Variants in DAG1 observed in about 807,000 individuals in gnomAD.
The protein encoded by DAG1 is dystroglycan 1.
In DAG1, 8 loss-of-function variants were observed where a neutral mutation model predicts 46.1. The observed-to-expected ratio is 0.17, with a 90% CI of 0.10 to 0.31. The LOEUF (loss-of-function observed/expected upper bound fraction) is 0.31. DAG1 is among the 10% of genes least tolerant of loss of function. The pLI is 1.00. For synonymous variants in DAG1, 495 were observed against 481.8 expected, an observed-to-expected ratio of 1.03 and a Z score of -0.36; for missense variants, 1,003 against 1,189.9, an observed-to-expected ratio of 0.84 and a Z score of 2.31.
At position 49,532,103 on chromosome 3, in the gene DAG1, C is replaced by T. The variant is rs1209612995; in HGVS notation, c.1592C>T (p.Thr531Ile). The T allele has an allele frequency of 6.2e-7, 1 of 1,614,220 alleles. No homozygotes were observed. Among genetic ancestry groups the T allele is most frequent in the East Asian group, 2.2e-5 (1 of 44,886 alleles). ...TTCTATGACCATGAGGACACCACCACTGACAAGCTGAAGCTGACCCTGAAA... is the reference window on the plus strand; with the variant it reads ...TTCTATGACCATGAGGACACCACCATTGACAAGCTGAAGCTGACCCTGAAA... ...DTFYDHEDTT[T>I]DKLKLTLKLR... Residue 531 changes from threonine to isoleucine, a missense_variant, in exon 3 of 3, where the codon ACT (threonine) becomes ATT (isoleucine). By Grantham distance (89) the Thr-to-Ile change is moderately conservative. Coordinates refer to ENST00000308775, the MANE Select transcript of DAG1 (RefSeq NM_004393.6). The surrounding 1 kb of genome is among the most constrained non-coding windows in gnomAD (Gnocchi z 5.4).
At position 49,510,682 on chromosome 3, in the gene DAG1, A is replaced by G. The variant is rs758104540; in HGVS notation, c.148A>G (p.Met50Val). 1.2e-5 allele frequency: 20 copies of G among 1,613,990 alleles called. No individual in the cohort carries two copies. Among genetic ancestry groups the G allele is most frequent in the Non-Finnish European group, 1.5e-5 (18 of 1,180,026 alleles). The change falls in exon 2 of 3, where the codon ATG (methionine) becomes GTG (valine). Residue 50 changes from methionine (M) to valine (V), a missense_variant. Transcript: ENST00000308775. ...RDWENQLEAS[M>V]HSVLSDLHEA... ...CTGGGAAAACCAGCTTGAGGCATCC[A>G]TGCACTCAGTGCTCTCAGACCTCCA...
At chr3:49,475,377 T>C (rs1172388257) in intron 1 of DAG1, among the ~76,000 whole-genome samples, 1 of 151,650 alleles carries the variant, frequency 6.6e-6, no homozygotes, top group African/African-American at 2.4e-5. Context: ...GTGCTGGGAT[T>C]ACAGGCGTGA....
Position 49,510,600 on chromosome 3 carries a change from C to T in DAG1, c.66C>T (p.Leu22=). ...CGGGGAGGACCTTTCTCCTCCTGCT[C>T]TCTGTGGTTATGGCTCAGTCCCACT... ...PLSGRTFLLL[L]SVVMAQSHWP... is the part of the protein sequence containing the mutation. Residue 22 remains leucine, a synonymous_variant, in exon 2 of 3, where the codon CTC becomes CTT. Transcript: ENST00000308775. The T allele has an allele frequency of 6.2e-7, 1 of 1,614,106 alleles. No homozygotes were observed. The highest frequency in any genetic ancestry group is 8.5e-7 in the Non-Finnish European group (1 of 1,180,038).
upstream of DAG1, chr3:49,470,115 T>G (rs866688668): frequency 1.3e-5 from 2 of 150,652 alleles, no homozygotes; most frequent in Non-Finnish European, 1.5e-5. Flanking sequence ...TGCGGCGCGC[T>G]GCGGAGCGGC....
In DAG1 at chr3:49,531,326, C is replaced by T. The variant is rs371509534; in HGVS notation, c.815C>T (p.Pro272Leu). Residue 272 changes from proline to leucine, a missense_variant, in exon 3 of 3, where the codon CCT (proline) becomes CTT (leucine). Coordinates refer to ENST00000308775, the MANE Select transcript of DAG1 (RefSeq NM_004393.6). The surrounding 1 kb of genome is among the most constrained non-coding windows in gnomAD (Gnocchi z 7.0). Reference sequence around the variant, plus strand: ...TGCTCCCTGAACCAGAACAGTGTGCCTGACATTCATGGTGTAGAGGCCCCT... The same window carrying T: ...TGCTCCCTGAACCAGAACAGTGTGCTTGACATTCATGGTGTAGAGGCCCCT... Reference protein sequence around the residue: ...LGCSLNQNSVPDIHGVEAPAR... With the variant: ...LGCSLNQNSVLDIHGVEAPAR... 1.3e-5 allele frequency: 21 copies of T among 1,614,076 alleles called. No homozygotes were observed. The African/African-American group carries it at 2.8e-4, about 22-fold the overall frequency.
chr3:49,532,046 CCTA>C lies in DAG1; in HGVS notation c.1538_1540del (p.Tyr513del). On this transcript the variant is annotated inframe_deletion, in exon 3 of 3. Transcript: ENST00000308775. This position sits in a 1 kb window ranked among gnomAD's most constrained non-coding sequence, Gnocchi z 5.4. The stretch of plus-strand genomic sequence containing the variant: ...GACAGGGTAGATGCCTGGGTTGGCA[CCTA>C]CTTTGAGGTGAAGATCCCGTCAGAC... 6.2e-7 allele frequency: 1 copy of C among 1,614,198 alleles called. No individual in the cohort carries two copies. The highest frequency in any genetic ancestry group is 8.5e-7 in the Non-Finnish European group (1 of 1,180,032).
intron 1 of DAG1, among the ~76,000 whole-genome samples, chr3:49,508,405 T>A (rs143396358): frequency 2.6e-4 from 39 of 151,990 alleles, no homozygotes; most frequent in African/African-American, 8.4e-4. Context: ...TATGTATGTA[T>A]GTGTTGTTTT....
At chr3:49,498,303 C>G (rs1384408984) in intron 1 of DAG1, among the ~76,000 whole-genome samples, 3 of 152,134 alleles carry the variant, frequency 2.0e-5, no homozygotes, top group Non-Finnish European at 4.4e-5. Flanking sequence ...TAGGGTGATA[C>G]CTTGAATCTT....
At chr3:49,511,983 T>TTGAATGG (rs1575388545) in intron 2 of DAG1, among the ~76,000 whole-genome samples, 1 of 152,254 alleles carries the variant, frequency 6.6e-6, no homozygotes, top group East Asian at 1.9e-4. Flanking sequence ...AGTCCCATTC[T>TTGAATGG]GACTTGAAAC....
chr3:49,500,797 C>G (rs578202730), intron 1 of DAG1, among the ~76,000 whole-genome samples: 1 of 152,288 alleles, frequency 6.6e-6, no homozygotes, highest in South Asian at 2.1e-4. Flanking sequence ...GGCCACCAAG[C>G]TGTATGTGAC....
At chr3:49,508,218 T>C (rs1176900181) in intron 1 of DAG1, among the ~76,000 whole-genome samples, 2 of 143,698 alleles carry the variant, frequency 1.4e-5, no homozygotes, top group Non-Finnish European at 3.0e-5. Context: ...TTTTTAATAA[T>C]GAGATGGAGT....
intron 1 of DAG1, among the ~76,000 whole-genome samples, chr3:49,474,364 G>A (rs896499388): frequency 2.0e-5 from 3 of 150,526 alleles, no homozygotes; most frequent in African/African-American, 7.3e-5. Context: ...AATTTTTTTT[G>A]AGGTGGAGTT....
intron 1 of DAG1, among the ~76,000 whole-genome samples, chr3:49,498,780 C>A (rs903508391): frequency 6.6e-6 from 1 of 150,972 alleles, no homozygotes; most frequent in Non-Finnish European, 1.5e-5. Context: ...GTGTTGTAAT[C>A]TCACTGCAAT....
At chr3:49,496,928 A>AT (rs952866223) in intron 1 of DAG1, among the ~76,000 whole-genome samples, 8 of 151,112 alleles carry the variant, frequency 5.3e-5, no homozygotes, top group African/African-American at 1.7e-4. Flanking sequence ...CCTGGCCTAA[A>AT]TTTTTTTTTG....
At position 49,532,175 on chromosome 3, in the gene DAG1, A is replaced by T. The variant is rs779830000; in HGVS notation, c.1664A>T (p.Asn555Ile). 6.2e-7 allele frequency: 1 copy of T among 1,614,242 alleles called. No individual in the cohort carries two copies. Residue 555 changes from asparagine to isoleucine, a missense_variant, in exon 3 of 3, where the codon AAC becomes ATC. Physicochemically the swap from Asn to Ile is moderately radical, Grantham distance 149. Coordinates refer to ENST00000308775, the MANE Select transcript of DAG1 (RefSeq NM_004393.6). The surrounding 1 kb of genome is among the most constrained non-coding windows in gnomAD (Gnocchi z 5.4). ...GGCGAGAAGTCCTGGGTACAGTTCA[A>T]CAGCAACAGCCAGCTCATGTATGGC... ...LVGEKSWVQFNSNSQLMYGLP... is the reference protein window; with the variant it reads ...LVGEKSWVQFISNSQLMYGLP...
intron 1 of DAG1, among the ~76,000 whole-genome samples, chr3:49,491,768 G>A (rs374738358): frequency 2.0e-5 from 3 of 151,020 alleles, no homozygotes; most frequent in African/African-American, 7.3e-5. Context: ...GAGCCACCGC[G>A]CCCGGCCTGT....
At position 49,533,957 on chromosome 3, in the gene DAG1, AGCTGGAGGGG is replaced by A; in HGVS notation, c.*759_*768del. 6.3e-6 allele frequency: 1 copy of A among 158,950 alleles called. No individual in the cohort carries two copies. Among genetic ancestry groups the A allele is most frequent in the Non-Finnish European group, 1.4e-5 (1 of 72,180 alleles). The allele number at this position is 158,950 out of a possible 1,614,324, so 9.8% of individuals were successfully genotyped here. A position where few individuals can be genotyped will look rare whatever the true frequency, so the allele number is the denominator to read the frequency against. ...TCTCCCGCTGTTGCCAGGGGCTGGAAGCTGGAGGGGTCTCTTGGGCCATGGACATCCCCAC... is the reference window on the plus strand; with the variant it reads ...TCTCCCGCTGTTGCCAGGGGCTGGAATCTCTTGGGCCATGGACATCCCCAC... On this transcript the variant is annotated 3_prime_UTR_variant, in exon 3 of 3. Transcript: ENST00000308775.
chr3:49,517,741 G>T (rs1220514946), intron 2 of DAG1, among the ~76,000 whole-genome samples: 1 of 152,224 alleles, frequency 6.6e-6, no homozygotes, highest in Non-Finnish European at 1.5e-5. Flanking sequence ...TGTCTGGCTG[G>T]TAAGCTATCA....
intron 2 of DAG1, among the ~76,000 whole-genome samples, chr3:49,522,534 G>A (rs2051061174): frequency 1.4e-5 from 2 of 141,724 alleles, no homozygotes; most frequent in Admixed American, 1.5e-4. Flanking sequence ...TCAACTCCTG[G>A]CCTCAAGTGA....
Sources: allele counts gnomAD v4.1 joint callset (sites outside exome capture counted in the v4.1 genomes callset), GRCh38; gene constraint gnomAD v4.1.1; non-coding constraint Gnocchi (gnomAD v3.1); transcripts MANE v1.5; gene names NCBI Gene and HGNC (gene_info 2026-07-23, HGNC 2026-07-21).